Variants in CDH4 observed in about 807,000 individuals in gnomAD.
CDH4 encodes the protein cadherin-4.
In CDH4, 33 loss-of-function variants were observed where a neutral mutation model predicts 86.0. The ratio of observed to expected loss-of-function variants is 0.38; its 90% CI spans 0.29 to 0.51. The LOEUF (loss-of-function observed/expected upper bound fraction) is 0.51, where lower values mean the gene tolerates loss of function less well. CDH4 is among the 20% of genes least tolerant of loss of function. The pLI, the probability that CDH4 is intolerant of heterozygous loss-of-function variation, is 0.86. For missense variants in CDH4, 1,114 were observed against 1,307.4 expected (o/e 0.85, Z 2.28); for synonymous variants, 555 against 549.4 (o/e 1.01, Z -0.14).
intron 9 of CDH4, among the ~76,000 whole-genome samples, chr20:61,919,827 G>A (rs2054946919): frequency 7.5e-6 from 1 of 133,136 alleles, no homozygotes; most frequent in Admixed American, 7.7e-5. Flanking sequence ...TGTCGTGATT[G>A]CATGGAAGCG....
At chr20:61,765,761 C>G (rs1181983329) in intron 3 of CDH4, among the ~76,000 whole-genome samples, 1 of 152,082 alleles carries the variant, frequency 6.6e-6, no homozygotes, top group African/African-American at 2.4e-5. Context: ...GCCTGGAGGC[C>G]AGGCCCAAAG....
rs201562406 is a variant in CDH4, at chr20:61,458,954, CTT to C, written c.169+204032_169+204033del. ...TACATCTGAGCTTCTGCTATCCCCA[CTT>C]TTTTTTTTTTTTTTCCTTCTGGAGC... On this transcript the variant is annotated intron_variant, in intron 2 of 15. Transcript: ENST00000614565. 2.1e-3 allele frequency among the ~76,000 whole-genome samples: 299 copies of C among 142,940 alleles called. 4 individuals carry two copies. The South Asian group carries it at 0.027, about 13-fold the overall frequency. 93.8% of individuals were successfully genotyped at this position (142,940 alleles called of 152,430 possible). A position where few individuals can be genotyped will look rare whatever the true frequency, so the allele number is the denominator to read the frequency against.
chr20:61,659,141 C>T (rs1469611504), intron 2 of CDH4, among the ~76,000 whole-genome samples: 1 of 152,162 alleles, frequency 6.6e-6, no homozygotes, highest in Non-Finnish European at 1.5e-5. Context: ...AACAGCAACA[C>T]CCAAGAGACA....
chr20:61,536,765 C>A (rs1472717153), intron 2 of CDH4, among the ~76,000 whole-genome samples: 1 of 152,216 alleles, frequency 6.6e-6, no homozygotes, highest in Non-Finnish European at 1.5e-5. Flanking sequence ...GGAGCAGTGC[C>A]CTGGCATCTG....
chr20:61,873,982 C>T, intron 7 of CDH4, 82 bp downstream of exon 7: 1 of 1,460,350 alleles, frequency 6.8e-7, no homozygotes, highest in Non-Finnish European at 9.4e-7. Flanking sequence ...GGGAGCCTCT[C>T]CAGTGGCGCC....
At chr20:61,489,741 A>G (rs1211484474) in intron 2 of CDH4, among the ~76,000 whole-genome samples, 1 of 152,218 alleles carries the variant, frequency 6.6e-6, no homozygotes, top group Non-Finnish European at 1.5e-5. Context: ...ACGATCCTCA[A>G]TTCATAGGTT....
chr20:61,375,573 GGTGGTGGTCATAGCA>G (rs2084862909), intron 2 of CDH4, among the ~76,000 whole-genome samples: 12 of 82,364 alleles, frequency 1.5e-4, no homozygotes, highest in Non-Finnish European at 2.2e-4. Flanking sequence ...TGGTGGCGCT[GGTGGTGGTCATAGCA>G]CTGGTGGTGG....
chr20:61,883,367 G>A (rs1017214747), intron 7 of CDH4, among the ~76,000 whole-genome samples: 13 of 152,190 alleles, frequency 8.5e-5, no homozygotes, highest in Admixed American at 2.6e-4. Flanking sequence ...CTAGGGCGAC[G>A]TCTTTCTTGG....
At chr20:61,622,509 C>G (rs577533319) in intron 2 of CDH4, among the ~76,000 whole-genome samples, 6 of 152,380 alleles carry the variant, frequency 3.9e-5, no homozygotes, top group Non-Finnish European at 1.5e-5. Flanking sequence ...ACTTGTGGCC[C>G]ATGCCAAAGA....
At chr20:61,882,651 C>T (rs796238837) in intron 7 of CDH4, among the ~76,000 whole-genome samples, 13 of 152,180 alleles carry the variant, frequency 8.5e-5, no homozygotes, top group African/African-American at 2.6e-4. Context: ...TCACTGTGTG[C>T]GGCTGTTTTC....
chr20:61,765,516 G>A (rs1180995036), intron 3 of CDH4, among the ~76,000 whole-genome samples: 2 of 152,336 alleles, frequency 1.3e-5, no homozygotes, highest in Non-Finnish European at 1.5e-5. Context: ...AAACAGACAG[G>A]CCGGGCTCTC....
intron 2 of CDH4, among the ~76,000 whole-genome samples, chr20:61,741,820 G>C (rs1176275298): frequency 6.6e-6 from 1 of 152,062 alleles, no homozygotes; most frequent in Non-Finnish European, 1.5e-5. Context: ...TGACAGGCAG[G>C]AGCCACCGCG....
intron 7 of CDH4, among the ~76,000 whole-genome samples, chr20:61,884,225 G>A (rs149469884): frequency 9.9e-4 from 151 of 152,272 alleles, no homozygotes; most frequent in Non-Finnish European, 1.8e-3. Context: ...TAGGGACACC[G>A]GAGGCCCCAA....
At chr20:61,643,746 A>G (rs1296468305) in intron 2 of CDH4, among the ~76,000 whole-genome samples, 1 of 152,204 alleles carries the variant, frequency 6.6e-6, no homozygotes, top group Non-Finnish European at 1.5e-5. Context: ...CTGCTGCTAC[A>G]CCAGATCCTC....
chr20:61,330,598 ACGC>A (rs1280740618), intron 2 of CDH4, among the ~76,000 whole-genome samples: 3 of 152,200 alleles, frequency 2.0e-5, no homozygotes, highest in African/African-American at 7.2e-5. Context: ...CTGACGGGGA[ACGC>A]CTGCCTTCTG....
chr20:61,569,834 G>A (rs77274662), intron 2 of CDH4, among the ~76,000 whole-genome samples: 3,333 of 152,252 alleles, frequency 0.022, 63 homozygotes, highest in Non-Finnish European at 0.035. Context: ...CAGAGCCCAG[G>A]CTAGTTGTTT....
chr20:61,559,505 T>G (rs1050019918), intron 2 of CDH4, among the ~76,000 whole-genome samples: 2 of 143,204 alleles, frequency 1.4e-5, no homozygotes, highest in African/African-American at 2.8e-5. Context: ...CTCCTTTCTT[T>G]TTAATTTTTT....
At chr20:61,865,537 G>C (rs183103258) in intron 6 of CDH4, among the ~76,000 whole-genome samples, 4 of 151,854 alleles carry the variant, frequency 2.6e-5, no homozygotes, top group Admixed American at 2.6e-4. Flanking sequence ...GGGCTAGTTA[G>C]TGTAGATTAT....
chr20:61,874,320 G>A (rs957799458), intron 7 of CDH4, among the ~76,000 whole-genome samples: 1 of 152,168 alleles, frequency 6.6e-6, no homozygotes, highest in Non-Finnish European at 1.5e-5. Context: ...CCCAGGCTGC[G>A]GCGGCCTGGC....
Sources: allele counts gnomAD v4.1 joint callset (sites outside exome capture counted in the v4.1 genomes callset), GRCh38; gene constraint gnomAD v4.1.1; transcripts MANE v1.5; gene names NCBI Gene and HGNC (gene_info 2026-07-23, HGNC 2026-07-21).